The following MYO10 variants were observed in gnomAD, a reference collection of about 807,000 sequenced individuals.
MYO10 encodes myosin X.
Under a neutral mutation model 257.3 loss-of-function variants are expected in MYO10, and 133 were observed. The observed-to-expected ratio is 0.52, with a 90% CI of 0.45 to 0.60. The LOEUF (loss-of-function observed/expected upper bound fraction) is 0.60, where lower values mean the gene tolerates loss of function less well. Ranked by LOEUF, MYO10 falls within the 20% of genes least tolerant of loss-of-function variation. The probability of loss-of-function intolerance (pLI) is 0.00; values close to 1 mark genes in which losing one functional copy is unlikely to be tolerated. For missense variants in MYO10, 2,399 were observed against 2,635.7 expected, an observed-to-expected ratio of 0.91 and a Z score of 1.97; for synonymous variants, 1,104 against 1,028.6, an observed-to-expected ratio of 1.07 and a Z score of -1.40.
intron 2 of MYO10, among the ~76,000 whole-genome samples, chr5:16,871,634 G>A (rs925288634): frequency 1.7e-4 from 26 of 152,118 alleles, no homozygotes; most frequent in African/African-American, 6.3e-4. Flanking sequence ...TCCCTGGCCA[G>A]TTAAGTGCAG....
intron 1 of MYO10, among the ~76,000 whole-genome samples, chr5:16,887,785 C>G (rs1221177254): frequency 6.6e-6 from 1 of 152,182 alleles, no homozygotes; most frequent in Non-Finnish European, 1.5e-5. Flanking sequence ...GCCACCATGT[C>G]TGGCCTCAGT....
intron 1 of MYO10, among the ~76,000 whole-genome samples, chr5:16,930,364 G>C (rs1746260136): frequency 6.6e-6 from 1 of 152,154 alleles, no homozygotes; most frequent in African/African-American, 2.4e-5. Context: ...AATAAAGAGA[G>C]AGTTACAAGA....
At chr5:16,823,153 C>T (rs79869080) in intron 2 of MYO10, among the ~76,000 whole-genome samples, 1 of 150,664 alleles carries the variant, frequency 6.6e-6, no homozygotes, top group Non-Finnish European at 1.5e-5. Context: ...TAAAGAATGG[C>T]ATTACTGGCT....
At chr5:16,681,091 C>A (rs557304402) in intron 32 of MYO10, among the ~76,000 whole-genome samples, 2 of 152,162 alleles carry the variant, frequency 1.3e-5, no homozygotes, top group African/African-American at 2.4e-5. Flanking sequence ...CTTGTCCTTG[C>A]GAGAATCTTC....
intron 19 of MYO10, among the ~76,000 whole-genome samples, chr5:16,744,396 G>A (rs1740113555): frequency 1.3e-5 from 2 of 152,162 alleles, no homozygotes; most frequent in Admixed American, 1.3e-4. Flanking sequence ...TAGTGATGAG[G>A]CCTGGGCGAA....
chr5:16,790,757 A>C (rs979840984), intron 4 of MYO10, among the ~76,000 whole-genome samples: 3 of 152,172 alleles, frequency 2.0e-5, no homozygotes, highest in Non-Finnish European at 4.4e-5. Context: ...GTGAAAACGG[A>C]CTAATACACC....
At chr5:16,890,814 T>C (rs1745027492) in intron 1 of MYO10, among the ~76,000 whole-genome samples, 1 of 151,544 alleles carries the variant, frequency 6.6e-6, no homozygotes, top group African/African-American at 2.4e-5. Context: ...CATTCCAGCC[T>C]GGGCGGCAGA....
intron 3 of MYO10, chr5:16,815,200 CA>C: frequency 2.3e-6 from 1 of 431,630 alleles, no homozygotes; most frequent in Non-Finnish European, 4.1e-6. Flanking sequence ...CTAATGACAG[CA>C]AAGTATGAGT....
intron 2 of MYO10, among the ~76,000 whole-genome samples, chr5:16,849,993 G>A (rs1419519851): frequency 6.6e-6 from 1 of 152,174 alleles, no homozygotes; most frequent in Non-Finnish European, 1.5e-5. Context: ...CAAAGTAACT[G>A]AGAGGACTGA....
intron 19 of MYO10, among the ~76,000 whole-genome samples, chr5:16,735,301 T>C (rs1247506357): frequency 2.0e-5 from 3 of 152,148 alleles, no homozygotes; most frequent in Non-Finnish European, 4.4e-5. Flanking sequence ...GTTAATGAAT[T>C]GCTATAGAGT....
rs3188408 is a variant in MYO10, at chr5:16,673,691, G to A, written c.5163C>T (p.Thr1721=). ...AGCTGCCTCTCCTCACCTCCCCAGCGGTGGTGTGGGAGTTGATGGTGATCT... is the reference window on the plus strand; with the variant it reads ...AGCTGCCTCTCCTCACCTCCCCAGCAGTGGTGTGGGAGTTGATGGTGATCT... ...SCKITINSHT[T]AGEVVEKLIR... The change falls in exon 36 of 41, where the codon ACC becomes ACT. Residue 1721 remains threonine, a synonymous_variant. Coordinates refer to ENST00000513610, the MANE Select transcript of MYO10 (RefSeq NM_012334.3). 9,960 of 1,613,360 alleles carry A rather than the reference G, an allele frequency of 6.2e-3. 407 individuals carry two copies. The African/African-American group carries it at 0.098, about 16-fold the overall frequency.
At chr5:16,790,895 T>TTATATATATATA (rs576552609) in intron 4 of MYO10, among the ~76,000 whole-genome samples, 110 of 144,458 alleles carry the variant, frequency 7.6e-4, no homozygotes, top group African/African-American at 2.6e-3. Flanking sequence ...AGTTTTAAAT[T>TTATATATATATA]TATATATATA....
At chr5:16,713,226 T>C (rs534968215) in intron 19 of MYO10, 31 of 798,576 alleles carry the variant, frequency 3.9e-5, no homozygotes, top group African/African-American at 3.5e-4. Context: ...CCAGTCTCTA[T>C]AGAACAAAGT....
intron 32 of MYO10, 128 bp downstream of exon 32, chr5:16,681,181 T>A: frequency 9.4e-7 from 1 of 1,062,682 alleles, no homozygotes; most frequent in Non-Finnish European, 1.3e-6. Flanking sequence ...GCTTAGAAGA[T>A]AAACCAAGAG....
At chr5:16,739,964 T>C (rs1325886160) in intron 19 of MYO10, among the ~76,000 whole-genome samples, 1 of 152,122 alleles carries the variant, frequency 6.6e-6, no homozygotes, top group Non-Finnish European at 1.5e-5. Flanking sequence ...GTCGCATATT[T>C]TTGAGGGTCA....
At chr5:16,864,698 T>TA (rs1744193495) in intron 2 of MYO10, among the ~76,000 whole-genome samples, 2 of 152,198 alleles carry the variant, frequency 1.3e-5, no homozygotes, top group Non-Finnish European at 1.5e-5. Flanking sequence ...CTAAGTGCGC[T>TA]AATAAACAAG....
chr5:16,685,731 C>G lies in MYO10; in HGVS notation c.3990+7G>C. 6.8e-7 allele frequency: 1 copy of G among 1,467,274 alleles called. No homozygotes were observed. The highest frequency in any genetic ancestry group is 9.2e-7 in the Non-Finnish European group (1 of 1,088,532). The allele number at this position is 1,467,274 out of a possible 1,614,324, so 90.9% of individuals were successfully genotyped here. On this transcript the variant is annotated splice_region_variant and intron_variant, in intron 29 of 40. Transcript: ENST00000513610. ...CCCCACCCCCATCCCACACAGTGCTCCCGTACCACAGCATTCTGTGGGTTT... is the reference window on the plus strand; with the variant it reads ...CCCCACCCCCATCCCACACAGTGCTGCCGTACCACAGCATTCTGTGGGTTT...
At chr5:16,768,696 A>G (rs1740955306) in intron 10 of MYO10, among the ~76,000 whole-genome samples, 1 of 94,980 alleles carries the variant, frequency 1.1e-5, no homozygotes, top group South Asian at 3.5e-4. Flanking sequence ...TTTTGGTGAT[A>G]CAAGATCTCA....
intron 18 of MYO10, among the ~76,000 whole-genome samples, chr5:16,757,487 G>GA: frequency 6.6e-6 from 1 of 152,214 alleles, no homozygotes; most frequent in Non-Finnish European, 1.5e-5. Context: ...AAAACATCCA[G>GA]ATATGAGAAG....
Sources: allele counts gnomAD v4.1 joint callset (sites outside exome capture counted in the v4.1 genomes callset), GRCh38; gene constraint gnomAD v4.1.1; transcripts MANE v1.5; gene names NCBI Gene and HGNC (gene_info 2026-07-23, HGNC 2026-07-21).